NBAS: variants seen among roughly 807,000 people sequenced by gnomAD.
NBAS encodes the protein NAG/BC035112 fusion.
Under a neutral mutation model 302.5 loss-of-function variants are expected in NBAS, and 219 were observed. That is an observed-to-expected ratio of 0.72 (90% CI 0.65 to 0.81). The LOEUF is 0.81. NBAS is among the 30% of genes least tolerant of loss of function. The pLI, the probability that NBAS is intolerant of heterozygous loss-of-function variation, is 0.00. For missense variants in NBAS, 2,932 were observed against 2,841.6 expected (o/e 1.03, Z -0.72); for synonymous variants, 1,118 against 1,021.6 (o/e 1.09, Z -1.80).
In NBAS at chr2:15,379,765, G is replaced by A. The variant is rs759381152; in HGVS notation, c.3427C>T (p.His1143Tyr). 2.1e-5 allele frequency: 34 copies of A among 1,613,910 alleles called. No homozygotes were observed. Among genetic ancestry groups the A allele is most frequent in the African/African-American group, 4.0e-5 (3 of 74,888 alleles). Residue 1143 changes from histidine to tyrosine, a missense_variant, in exon 30 of 52, where the codon CAC (histidine) becomes TAC (tyrosine). His to Tyr is a moderately conservative substitution (Grantham distance 83). Coordinates refer to ENST00000281513, the MANE Select transcript of NBAS (RefSeq NM_015909.4). ...GGATTTTCTGAACAAGCACTGCAGTGCATCATCTGTCCAGCCAGGTGGATG... is the reference window on the plus strand; with the variant it reads ...GGATTTTCTGAACAAGCACTGCAGTACATCATCTGTCCAGCCAGGTGGATG... ...ENIHLAGQMM[H>Y]CSACSENPPA...
At chr2:15,054,056 A>G in the NBAS span, among the ~76,000 whole-genome samples, 1 of 152,182 alleles carries the variant, frequency 6.6e-6, no homozygotes, top group African/African-American at 2.4e-5. Flanking sequence ...ATGGAGGTCA[A>G]CAATCCCCTC....
At position 15,341,579 on chromosome 2, in the gene NBAS, T is replaced by C. The variant is rs1389097616; in HGVS notation, c.4179+10413A>G. On this transcript the variant is annotated intron_variant, in intron 35 of 51. Coordinates refer to ENST00000281513, the MANE Select transcript of NBAS (RefSeq NM_015909.4). ...AGATAAAAAACAAAAATGTATTGCT[T>C]ATTACAAACACAGTTATTTTAAAAT... Among the ~76,000 whole-genome samples, 4 of 152,060 alleles carry C rather than the reference T, an allele frequency of 2.6e-5. No individual in the cohort carries two copies. In the East Asian group the frequency reaches 7.7e-4, roughly 29 times the overall value.
the NBAS span, among the ~76,000 whole-genome samples, chr2:14,876,886 C>G: frequency 6.6e-6 from 1 of 152,212 alleles, no homozygotes. Context: ...TGTGCTACCA[C>G]TTGGTCACAT....
At chr2:15,281,063 G>C (rs1669803402) in intron 42 of NBAS, among the ~76,000 whole-genome samples, 1 of 152,180 alleles carries the variant, frequency 6.6e-6, no homozygotes, top group Admixed American at 6.5e-5. Context: ...AGAACACCCA[G>C]GGAGTTGATG....
rs375968352 is a variant in NBAS at position 15,383,479 on chromosome 2, G to T, written c.3258-162C>A. 1.2e-4 allele frequency among the ~76,000 whole-genome samples: 19 copies of T among 152,212 alleles called. No homozygotes were observed. In the East Asian group the frequency reaches 1.9e-3, roughly 15 times the overall value. The stretch of plus-strand genomic sequence containing the variant: ...AGAATATATCTCCTTTAAATAGACA[G>T]GAAAACACTTGGATTAAAGATAGAG... On this transcript the variant is annotated intron_variant, in intron 28 of 51. Coordinates refer to ENST00000281513, the MANE Select transcript of NBAS (RefSeq NM_015909.4).
chr2:15,203,870 C>T (rs796697463), intron 48 of NBAS, among the ~76,000 whole-genome samples: 1 of 128,122 alleles, frequency 7.8e-6, no homozygotes, highest in African/African-American at 3.0e-5. Context: ...GTGTCTGTGT[C>T]TGTGTGTGTG....
intron 35 of NBAS, 35 bp from the exon 36 acceptor site, chr2:15,330,800 T>A (rs1000136283): frequency 1.2e-6 from 2 of 1,607,478 alleles, no homozygotes. Context: ...AGGGCAAAAA[T>A]GCATTACCAT....
chr2:15,398,980 T>C lies in NBAS; in HGVS notation c.3072-2505A>G, dbSNP rs76327506. Among the ~76,000 whole-genome samples, 940 of 152,312 alleles carry C rather than the reference T, an allele frequency of 6.2e-3. 23 individuals are homozygous for C. The highest frequency in any genetic ancestry group is 0.042 in the East Asian group (218 of 5,182). The stretch of plus-strand genomic sequence containing the variant: ...TATACATGAGAGGCATTTCTTAGCC[T>C]ATACATTCTTCAAAAACAAATATGG... On this transcript the variant is annotated intron_variant, in intron 26 of 51. Transcript: ENST00000281513.
chr2:14,884,016 A>G, the NBAS span, among the ~76,000 whole-genome samples: 3 of 152,096 alleles, frequency 2.0e-5, no homozygotes, highest in Admixed American at 2.0e-4. Context: ...AAAGAAAGGT[A>G]AGGAACTTAA....
chr2:15,418,830 G>A (rs144990780), intron 23 of NBAS, among the ~76,000 whole-genome samples: 169 of 152,220 alleles, frequency 1.1e-3, no homozygotes, highest in Non-Finnish European at 2.0e-3. Context: ...TAGGAGGGAC[G>A]GGCCGGATCA....
At position 15,336,097 on chromosome 2, in the gene NBAS, A is replaced by G. The variant is rs79494972; in HGVS notation, c.4180-5332T>C. Among the ~76,000 whole-genome samples the G allele has an allele frequency of 7.2e-3, 1,088 of 152,148 alleles. 43 individuals are homozygous for G. Among genetic ancestry groups the G allele is most frequent in the Admixed American group, 0.059 (894 of 15,262 alleles). ...GATGACAGGGATCCTCATTTCAAAA[A>G]AAAAAAAAAAGAAATCTTTGCCTGT... On this transcript the variant is annotated intron_variant, in intron 35 of 51. Coordinates refer to ENST00000281513, the MANE Select transcript of NBAS (RefSeq NM_015909.4).
the NBAS span, among the ~76,000 whole-genome samples, chr2:14,927,633 CACA>C: frequency 1.9e-4 from 29 of 152,314 alleles, no homozygotes; most frequent in East Asian, 1.4e-3. Context: ...TGAGGAATCA[CACA>C]ACATTTTCCA....
intron 21 of NBAS, among the ~76,000 whole-genome samples, chr2:15,440,604 C>T (rs1470807688): frequency 6.6e-6 from 1 of 152,214 alleles, no homozygotes; most frequent in East Asian, 1.9e-4. Context: ...CAGAGCAACT[C>T]TCCTCCTCCA....
intron 35 of NBAS, among the ~76,000 whole-genome samples, chr2:15,331,626 TA>T (rs1672356161): frequency 1.3e-5 from 2 of 152,234 alleles, no homozygotes; most frequent in South Asian, 4.1e-4. Context: ...TATATCATGT[TA>T]TTCATTAAGA....
At chr2:15,357,669 T>C (rs1228773784) in intron 32 of NBAS, among the ~76,000 whole-genome samples, 2 of 152,132 alleles carry the variant, frequency 1.3e-5, no homozygotes, top group Non-Finnish European at 2.9e-5. Flanking sequence ...ACAGCACCCA[T>C]GGATCTCAAT....
the NBAS span, among the ~76,000 whole-genome samples, chr2:15,126,421 G>A: frequency 6.6e-6 from 1 of 152,146 alleles, no homozygotes; most frequent in Non-Finnish European, 1.5e-5. Context: ...TAGAGGAATG[G>A]GGAAGACACA....
At chr2:15,382,473 G>A (rs1675086973) in intron 29 of NBAS, among the ~76,000 whole-genome samples, 1 of 152,156 alleles carries the variant, frequency 6.6e-6, no homozygotes, top group South Asian at 2.1e-4. Flanking sequence ...TTATGAGGAA[G>A]GACAAAGATA....
rs557715449 is a variant in NBAS at position 15,400,360 on chromosome 2, A to G, written c.3071+1808T>C. 3.9e-5 allele frequency among the ~76,000 whole-genome samples: 6 copies of G among 152,286 alleles called. No homozygotes were observed. In the South Asian group the frequency reaches 1.2e-3, roughly 32 times the overall value. On this transcript the variant is annotated intron_variant, in intron 26 of 51. Transcript: ENST00000281513. ...AAGGAAATTATTCAATCCAGGAAAA[A>G]CAGAGAGTTGTATTAAAAGGAAAAT...
chr2:15,497,878 T>G (rs1012446601), intron 11 of NBAS, among the ~76,000 whole-genome samples: 9 of 152,216 alleles, frequency 5.9e-5, no homozygotes, highest in Admixed American at 4.6e-4. Flanking sequence ...GAAAAATTAG[T>G]AAAATATTTC....
Sources: allele counts gnomAD v4.1 joint callset (sites outside exome capture counted in the v4.1 genomes callset), GRCh38; gene constraint gnomAD v4.1.1; transcripts MANE v1.5; gene names NCBI Gene and HGNC (gene_info 2026-07-23, HGNC 2026-07-21).